Variants in CELF2 observed in about 807,000 individuals in gnomAD.
CELF2 encodes the protein CUGBP Elav-like family member 2, also known as CUG triplet repeat RNA-binding protein 2.
Under a neutral mutation model 62.6 loss-of-function variants are expected in CELF2, and 8 were observed. That is an observed-to-expected ratio of 0.13 (90% CI 0.07 to 0.23). The LOEUF (loss-of-function observed/expected upper bound fraction) is 0.23, where lower values mean the gene tolerates loss of function less well. Ranked by LOEUF, CELF2 falls within the 10% of genes least tolerant of loss-of-function variation. The pLI, the probability that CELF2 is intolerant of heterozygous loss-of-function variation, is 1.00. For synonymous variants in CELF2, 258 were observed against 250.0 expected, an observed-to-expected ratio of 1.03 and a Z score of -0.30; for missense variants, 333 against 671.0, an observed-to-expected ratio of 0.50 and a Z score of 5.56.
In CELF2 at chr10:11,300,270, A is replaced by G. The variant is rs1010721387; in HGVS notation, c.976+11718A>G. Among the ~76,000 whole-genome samples the G allele has an allele frequency of 7.2e-5, 11 of 152,192 alleles. No homozygotes were observed. The highest frequency in any genetic ancestry group is 2.7e-4 in the African/African-American group (11 of 41,430). On this transcript the variant is annotated intron_variant, in intron 9 of 12. Coordinates refer to ENST00000633077, the MANE Select transcript of CELF2 (RefSeq NM_001326342.2). The surrounding 1 kb of genome is among the most constrained non-coding windows in gnomAD (Gnocchi z 5.5). ...TTCCACATGTGTGCCACCGTACAAT[A>G]AAGCCTCAGCAGTCGTTCTGAGTCC... is the stretch of plus-strand genomic sequence containing the variant.
In CELF2 at chr10:11,140,049, A is replaced by C. The variant is rs184565699; in HGVS notation, c.75-25437A>C. On this transcript the variant is annotated intron_variant, in intron 1 of 12. Transcript: ENST00000633077. ...CATTTAAAGTAAAATAGACATTTTT[A>C]GTTTTTGAGAGATGGTGAGCCAACT... Among the ~76,000 whole-genome samples the C allele has an allele frequency of 1.7e-3, 260 of 152,274 alleles. 1 individual carries two copies. The highest frequency in any genetic ancestry group is 5.9e-3 in the African/African-American group (245 of 41,562).
At chr10:10,740,123 G>A in the CELF2 span, among the ~76,000 whole-genome samples, 8 of 88,318 alleles carry the variant, frequency 9.1e-5, no homozygotes, top group East Asian at 1.0e-3. Flanking sequence ...TTAGTTTAAC[G>A]TTTGTTTATT....
At chr10:10,898,643 G>GAGAAACAGACAAATCC (rs2062729059) in intron 1 of CELF2, among the ~76,000 whole-genome samples, 1 of 152,116 alleles carries the variant, frequency 6.6e-6, no homozygotes, top group Admixed American at 6.5e-5. Flanking sequence ...ACACTGATAG[G>GAGAAACAGACAAATCC]AGAAACAGAC....
At chr10:10,666,239 A>C in the CELF2 span, among the ~76,000 whole-genome samples, 1 of 152,176 alleles carries the variant, frequency 6.6e-6, no homozygotes, top group Non-Finnish European at 1.5e-5. Context: ...CAGCTACTGA[A>C]TGTGCAGCAT....
chr10:11,180,070 G>C (rs1179467131), intron 2 of CELF2, among the ~76,000 whole-genome samples: 4 of 152,100 alleles, frequency 2.6e-5, no homozygotes, highest in African/African-American at 9.7e-5. Context: ...CAGTCACTGG[G>C]GGCCAAAGAG....
chr10:10,642,852 G>A, the CELF2 span, among the ~76,000 whole-genome samples: 1 of 152,218 alleles, frequency 6.6e-6, no homozygotes, highest in Admixed American at 6.5e-5. Flanking sequence ...GCAGCCAGTG[G>A]TGGAGGCTGT....
chr10:10,985,168 G>A (rs1433713541), intron 2 of CELF2, among the ~76,000 whole-genome samples: 1 of 152,078 alleles, frequency 6.6e-6, no homozygotes, highest in African/African-American at 2.4e-5. Flanking sequence ...TGTTCTTTCA[G>A]TACAGTGAAG....
At chr10:11,085,435 C>T (rs1369046320) in intron 1 of CELF2, among the ~76,000 whole-genome samples, 1 of 152,164 alleles carries the variant, frequency 6.6e-6, no homozygotes, top group East Asian at 1.9e-4. Flanking sequence ...ATGAAGAGTC[C>T]AGGAGATTGT....
intron 11 of CELF2, among the ~76,000 whole-genome samples, chr10:11,323,424 A>T (rs955075415): frequency 1.4e-5 from 2 of 141,644 alleles, no homozygotes; most frequent in Non-Finnish European, 3.1e-5. Flanking sequence ...GGCAGAGCAA[A>T]AATAATAATA....
At chr10:10,661,999 C>T in the CELF2 span, among the ~76,000 whole-genome samples, 1 of 152,042 alleles carries the variant, frequency 6.6e-6, no homozygotes, top group Non-Finnish European at 1.5e-5. Flanking sequence ...AGTAGCCTCC[C>T]AGGTACCTCT....
chr10:11,216,625 T>A (rs2063424463), intron 2 of CELF2, among the ~76,000 whole-genome samples: 1 of 152,172 alleles, frequency 6.6e-6, no homozygotes, highest in Admixed American at 6.5e-5. Context: ...GCAGAAGGAA[T>A]AGTCTAGGAT....
the CELF2 span, among the ~76,000 whole-genome samples, chr10:10,789,991 T>C: frequency 3.9e-4 from 60 of 152,196 alleles, no homozygotes; most frequent in African/African-American, 1.4e-3. Context: ...AAGCAAGAAA[T>C]GAAATTATCA....
intron 9 of CELF2, among the ~76,000 whole-genome samples, chr10:11,289,249 T>A (rs1313739145): frequency 2.0e-5 from 3 of 152,188 alleles, no homozygotes; most frequent in African/African-American, 7.2e-5. Context: ...CAGACCTCAA[T>A]AGATGGTCTC....
the CELF2 span, among the ~76,000 whole-genome samples, chr10:10,774,673 C>G: frequency 2.0e-5 from 3 of 152,082 alleles, no homozygotes; most frequent in East Asian, 1.9e-4. Context: ...CCTGAGGAAG[C>G]CTGAGCCAAT....
At chr10:10,621,748 A>G in the CELF2 span, among the ~76,000 whole-genome samples, 4 of 152,198 alleles carry the variant, frequency 2.6e-5, no homozygotes, top group African/African-American at 9.7e-5. Context: ...GAACAAATAT[A>G]TTTATTAAGA....
chr10:10,723,659 A>G, the CELF2 span, among the ~76,000 whole-genome samples: 2 of 152,166 alleles, frequency 1.3e-5, no homozygotes, highest in African/African-American at 4.8e-5. Flanking sequence ...GGAGTTGGTG[A>G]TGTTTGAGAA....
At chr10:10,784,480 C>T in the CELF2 span, 8 of 152,366 alleles carry the variant, frequency 5.3e-5, no homozygotes, top group Non-Finnish European at 1.2e-4. Context: ...GGAGCTGGCT[C>T]TTGGTGAGAT....
intron 1 of CELF2, among the ~76,000 whole-genome samples, chr10:10,897,836 G>T (rs573744870): frequency 1.4e-4 from 21 of 152,266 alleles, no homozygotes; most frequent in African/African-American, 5.1e-4. Flanking sequence ...GCTTCTACAG[G>T]CAGAAAACAG....
the CELF2 span, among the ~76,000 whole-genome samples, chr10:10,615,214 G>A: frequency 7.0e-4 from 106 of 152,150 alleles, no homozygotes; most frequent in African/African-American, 2.3e-3. Context: ...TGAAAGTCCT[G>A]TTCATCTTCA....
Sources: gnomAD v4.1 joint callset for allele counts (sites outside exome capture counted in the v4.1 genomes callset) on GRCh38, gnomAD v4.1.1 for gene constraint, Gnocchi (gnomAD v3.1) non-coding constraint, MANE v1.5 for transcripts, NCBI Gene and HGNC (gene_info 2026-07-23, HGNC 2026-07-21) for gene names.